ADCY1: variants seen among roughly 807,000 people sequenced by gnomAD.
ADCY1 encodes the protein adenylate cyclase type 1.
ADCY1 carries 28 observed loss-of-function variants against 105.4 expected under a neutral mutation model. The observed-to-expected ratio is 0.27, with a 90% CI of 0.20 to 0.36. ADCY1 has a LOEUF of 0.36. Among genes scored for constraint, ADCY1 ranks in the 10% least tolerant of loss-of-function variants. The pLI, the probability that ADCY1 is intolerant of heterozygous loss-of-function variation, is 1.00. For missense variants in ADCY1, 977 were observed against 1,434.2 expected (o/e 0.68, Z 5.15); for synonymous variants, 655 against 623.8 (o/e 1.05, Z -0.75).
At chr7:45,650,667 C>T (rs1026005542) in intron 5 of ADCY1, among the ~76,000 whole-genome samples, 1 of 152,178 alleles carries the variant, frequency 6.6e-6, no homozygotes. Flanking sequence ...TTCTTGGCCC[C>T]TGGTCTCCTT....
intron 11 of ADCY1, among the ~76,000 whole-genome samples, chr7:45,681,140 A>T (rs1393836816): frequency 6.6e-6 from 1 of 152,266 alleles, no homozygotes; most frequent in Non-Finnish European, 1.5e-5. Context: ...CATAAAAATA[A>T]TATTCAAATT....
chr7:45,712,347 A>C (rs1056074928), intron 19 of ADCY1, among the ~76,000 whole-genome samples: 1 of 150,346 alleles, frequency 6.7e-6, no homozygotes, highest in African/African-American at 2.5e-5. Flanking sequence ...GGAGAACTTC[A>C]TGGGAGCCCC....
chr7:45,663,820 A>G (rs1795195003), intron 8 of ADCY1, among the ~76,000 whole-genome samples: 1 of 148,904 alleles, frequency 6.7e-6, no homozygotes, highest in African/African-American at 2.4e-5. Flanking sequence ...CGGTGTCTCA[A>G]AAAAAAAAAA....
intron 4 of ADCY1, among the ~76,000 whole-genome samples, chr7:45,632,836 G>T (rs1794295447): frequency 6.6e-6 from 1 of 151,918 alleles, no homozygotes; most frequent in African/African-American, 2.4e-5. Flanking sequence ...TCGCAAAGTT[G>T]CAGGGATTAC....
intron 4 of ADCY1, among the ~76,000 whole-genome samples, chr7:45,630,163 C>G (rs1272500155): frequency 6.6e-6 from 1 of 152,024 alleles, no homozygotes; most frequent in Non-Finnish European, 1.5e-5. Context: ...TTTGTATGTT[C>G]TACATATAAG....
At chr7:45,603,514 A>G (rs1006781131) in intron 2 of ADCY1, among the ~76,000 whole-genome samples, 1 of 152,188 alleles carries the variant, frequency 6.6e-6, no homozygotes, top group Admixed American at 6.5e-5. Flanking sequence ...TTGTAGATTC[A>G]CATTTAGTTA....
intron 14 of ADCY1, among the ~76,000 whole-genome samples, chr7:45,694,110 T>A (rs1584336791): frequency 2.2e-4 from 9 of 41,608 alleles, no homozygotes; most frequent in South Asian, 2.3e-3. Flanking sequence ...AAACTTAGAG[T>A]ATAATAAAAA....
At chr7:45,617,052 T>A (rs1429332590) in intron 3 of ADCY1, among the ~76,000 whole-genome samples, 1 of 152,236 alleles carries the variant, frequency 6.6e-6, no homozygotes, top group Non-Finnish European at 1.5e-5. Flanking sequence ...GGAGGGAACT[T>A]GCCCTGGGTC....
At chr7:45,690,270 C>T (rs1443658381) in intron 14 of ADCY1, among the ~76,000 whole-genome samples, 2 of 152,144 alleles carry the variant, frequency 1.3e-5, no homozygotes, top group African/African-American at 4.8e-5. Context: ...GGAGGGCACA[C>T]TCTAAGGGGG....
At chr7:45,683,644 A>ATATATT (rs1784607584) in intron 11 of ADCY1, among the ~76,000 whole-genome samples, 1 of 152,096 alleles carries the variant, frequency 6.6e-6, no homozygotes, top group South Asian at 2.1e-4. Flanking sequence ...GGAGCTGATC[A>ATATATT]TATATATTAG....
intron 14 of ADCY1, among the ~76,000 whole-genome samples, chr7:45,699,630 A>G (rs1249063888): frequency 6.6e-6 from 1 of 152,004 alleles, no homozygotes; most frequent in Non-Finnish European, 1.5e-5. Flanking sequence ...GGAGGCTGGT[A>G]GTTGGTAGGG....
chr7:45,649,219 C>G (rs1289056579), intron 5 of ADCY1, among the ~76,000 whole-genome samples: 2 of 152,178 alleles, frequency 1.3e-5, no homozygotes, highest in African/African-American at 4.8e-5. Context: ...CTCAGATGCT[C>G]TCTGTGTGGG....
In ADCY1 at chr7:45,664,589, A is replaced by G. The variant is rs1795219870; in HGVS notation, c.1605+2375A>G. The G allele has an allele frequency of 7.1e-6, 8 of 1,131,180 alleles. No homozygotes were observed. The East Asian group carries it at 1.7e-4, about 24-fold the overall frequency. The allele number at this position is 1,131,180 out of a possible 1,614,324, so 70.1% of individuals were successfully genotyped here. A position where few individuals can be genotyped will look rare whatever the true frequency, so the allele number is the denominator to read the frequency against. On this transcript the variant is annotated intron_variant, in intron 8 of 19. Coordinates refer to ENST00000297323, the MANE Select transcript of ADCY1 (RefSeq NM_021116.4). ...TTATCTGGAATCCTACCATCTCACA[A>G]AAAAGCTATCATGAACATTTTGTTC... is the stretch of plus-strand genomic sequence containing the variant.
chr7:45,615,077 TTC>T (rs1793701026), intron 3 of ADCY1, among the ~76,000 whole-genome samples: 1 of 152,192 alleles, frequency 6.6e-6, no homozygotes, highest in Non-Finnish European at 1.5e-5. Context: ...AGAATACACA[TTC>T]TTCTCAAGTG....
intron 5 of ADCY1, among the ~76,000 whole-genome samples, chr7:45,649,209 C>T (rs1794747916): frequency 6.6e-6 from 1 of 152,208 alleles, no homozygotes; most frequent in African/African-American, 2.4e-5. Context: ...GTAACTGGGT[C>T]TCAGATGCTC....
chr7:45,579,382 C>T (rs1792452324), intron 1 of ADCY1, among the ~76,000 whole-genome samples: 1 of 152,082 alleles, frequency 6.6e-6, no homozygotes, highest in African/African-American at 2.4e-5. Flanking sequence ...CTGGGCCTTC[C>T]TCCCCGGCTG....
At chr7:45,636,368 G>A (rs543797853) in intron 4 of ADCY1, among the ~76,000 whole-genome samples, 6 of 152,270 alleles carry the variant, frequency 3.9e-5, no homozygotes, top group African/African-American at 1.2e-4. Context: ...TTGTTATGCT[G>A]TATTGTTTGG....
At chr7:45,712,807 C>T (rs1420006057) in intron 19 of ADCY1, among the ~76,000 whole-genome samples, 1 of 152,196 alleles carries the variant, frequency 6.6e-6, no homozygotes, top group Admixed American at 6.5e-5. Context: ...TCACAGGACT[C>T]ATTGCATTTA....
Position 45,721,586 on chromosome 7 carries a change from C to T in ADCY1, c.*7591C>T. 2.5e-6 allele frequency: 1 copy of T among 398,194 alleles called. No homozygotes were observed. The highest frequency in any genetic ancestry group is 4.4e-6 in the Non-Finnish European group (1 of 225,986). The allele number at this position is 398,194 out of a possible 1,614,324, so 24.7% of individuals were successfully genotyped here. ...GGAGTTCTGTGAGCTATGGGAAGGC[C>T]ATTGGTTGTATTTGCTACTTTTACT... On this transcript the variant is annotated 3_prime_UTR_variant, in exon 20 of 20. Transcript: ENST00000297323.
Sources: gnomAD v4.1 joint callset for allele counts (sites outside exome capture counted in the v4.1 genomes callset) on GRCh38, gnomAD v4.1.1 for gene constraint, MANE v1.5 for transcripts, NCBI Gene and HGNC (gene_info 2026-07-23, HGNC 2026-07-21) for gene names.